Variants in NOS3 observed in about 807,000 individuals in gnomAD.
The protein encoded by NOS3 is NOS type III.
Under a neutral mutation model 144.9 loss-of-function variants are expected in NOS3, and 98 were observed. The ratio of observed to expected loss-of-function variants is 0.68; its 90% confidence interval spans 0.57 to 0.80. The LOEUF is 0.80. NOS3 is among the 30% of genes least tolerant of loss of function. NOS3 has a pLI of 0.00. For missense variants in NOS3, 1,465 were observed against 1,656.4 expected, an observed-to-expected ratio of 0.88 and a Z score of 2.01; for synonymous variants, 714 against 702.4, an observed-to-expected ratio of 1.02 and a Z score of -0.26.
chr7:151,003,032 G>C lies in NOS3; in HGVS notation c.1752+728G>C, dbSNP rs1795143070. On this transcript the variant is annotated intron_variant, in intron 14 of 26. Coordinates refer to ENST00000297494, the MANE Select transcript of NOS3 (RefSeq NM_000603.5). This position sits in a 1 kb window ranked among gnomAD's most constrained non-coding sequence, Gnocchi z 4.1. ...TTCTCTTGCAAGCTTAGGTATCTCT[G>C]AGGTGCCCCAGGCTAGGCTCATTTC... 1 of 310,472 alleles carries C rather than the reference G, an allele frequency of 3.2e-6. No homozygotes were observed. The highest frequency in any genetic ancestry group is 6.3e-6 in the Non-Finnish European group (1 of 157,866). 19.2% of individuals were successfully genotyped at this position (310,472 alleles called of 1,614,324 possible).
At chr7:151,001,517 C>T in intron 11 of NOS3, 27 bp from the exon 12 acceptor site, 1 of 1,612,084 alleles carries the variant, frequency 6.2e-7, no homozygotes, top group Non-Finnish European at 8.5e-7. Flanking sequence ...CTTTACCTCC[C>T]CTCCCAACCC....
chr7:151,000,655 G>C (rs1008426696), intron 10 of NOS3, 56 bp downstream of exon 10: 2 of 1,213,700 alleles, frequency 1.6e-6, no homozygotes, highest in Non-Finnish European at 1.2e-6. Context: ...GGGGCAGCAG[G>C]GGCGGGGGAT....
At chr7:150,991,359 G>C (rs1802251929) in intron 1 of NOS3, 59 bp downstream of exon 1, 1 of 152,402 alleles carries the variant, frequency 6.6e-6, no homozygotes, top group African/African-American at 2.4e-5. Flanking sequence ...CCCAGGCTGG[G>C]CCTCAAGGAA....
At chr7:151,011,542 G>T (rs1365226262) in intron 23 of NOS3, among the ~76,000 whole-genome samples, 2 of 144,954 alleles carry the variant, frequency 1.4e-5, no homozygotes, top group African/African-American at 5.1e-5. Context: ...AACCTGGGAG[G>T]TGGAGCTTGC....
intron 25 of NOS3, 159 bp downstream of exon 25, chr7:151,013,538 C>A: frequency 8.8e-7 from 1 of 1,130,408 alleles, no homozygotes. Flanking sequence ...CCCGGCCCCT[C>A]TAGGCCCGCC....
chr7:150,997,780 G>A (rs532042597), intron 5 of NOS3, among the ~76,000 whole-genome samples: 8 of 152,214 alleles, frequency 5.3e-5, no homozygotes, highest in African/African-American at 1.4e-4. Flanking sequence ...TCAGAGCTGC[G>A]TCCCTCCCTT....
In NOS3 at chr7:150,998,608, G is replaced by A; in HGVS notation, c.744G>A (p.Leu248=). Residue 248 remains leucine (L), a synonymous_variant, in exon 7 of 27, where the codon CTG becomes CTA. Coordinates refer to ENST00000297494, the MANE Select transcript of NOS3 (RefSeq NM_000603.5). This position sits in a 1 kb window ranked among gnomAD's most constrained non-coding sequence, Gnocchi z 5.0. ...RGDFRIWNSQ[L]VRYAGYRQQD... is the part of the protein sequence containing the mutation. Reference sequence around the variant, plus strand: ...ACTTCCGAATCTGGAACAGCCAGCTGGTGCGCTACGCGGGCTACCGGCAGC... The same window carrying A: ...ACTTCCGAATCTGGAACAGCCAGCTAGTGCGCTACGCGGGCTACCGGCAGC... The A allele has an allele frequency of 6.2e-7, 1 of 1,608,804 alleles. No individual in the cohort carries two copies. Among genetic ancestry groups the A allele is most frequent in the South Asian group, 1.1e-5 (1 of 90,290 alleles).
In NOS3 at chr7:150,994,043, T is replaced by C. The variant is rs1000125509; in HGVS notation, c.158+82T>C. Reference sequence around the variant, plus strand: ...GCCTGGGGCTGGGAAGGTCTGGAACTTGTAGCTGAGTCGGGAGGGCCAGGT... The same window carrying C: ...GCCTGGGGCTGGGAAGGTCTGGAACCTGTAGCTGAGTCGGGAGGGCCAGGT... On this transcript the variant is annotated intron_variant, in intron 2 of 26. Transcript: ENST00000297494. 4.8e-6 allele frequency: 7 copies of C among 1,458,266 alleles called. 1 individual carries two copies. The South Asian group carries it at 8.8e-5, about 18-fold the overall frequency. The allele number at this position is 1,458,266 out of a possible 1,614,324, so 90.3% of individuals were successfully genotyped here. A position where few individuals can be genotyped will look rare whatever the true frequency, so the allele number is the denominator to read the frequency against.
chr7:150,994,114 G>A (rs1802315981), intron 2 of NOS3, among the ~76,000 whole-genome samples, 153 bp downstream of exon 2: 1 of 152,176 alleles, frequency 6.6e-6, no homozygotes, highest in Non-Finnish European at 1.5e-5. Context: ...AGGACAGTCT[G>A]GGAGGCTCAG....
intron 26 of NOS3, 36 bp downstream of exon 26, chr7:151,013,954 T>C: frequency 6.2e-7 from 1 of 1,602,968 alleles, no homozygotes; most frequent in Non-Finnish European, 8.5e-7. Context: ...GCGTGCGGGG[T>C]TCCTGCTAAG....
At position 151,002,942 on chromosome 7, in the gene NOS3, A is replaced by G; in HGVS notation, c.1752+638A>G. ...GAAATTGAGCGCTGTTTAGATGCCA[A>G]CATAGATTAAATAACTTCACTTTTT... On this transcript the variant is annotated intron_variant, in intron 14 of 26. Coordinates refer to ENST00000297494, the MANE Select transcript of NOS3 (RefSeq NM_000603.5). This position sits in a 1 kb window ranked among gnomAD's most constrained non-coding sequence, Gnocchi z 4.1. 1 of 233,840 alleles carries G rather than the reference A, an allele frequency of 4.3e-6. No homozygotes were observed. Among genetic ancestry groups the G allele is most frequent in the South Asian group, 4.4e-5 (1 of 22,726 alleles). 14.5% of individuals were successfully genotyped at this position (233,840 alleles called of 1,614,324 possible).
In NOS3 at chr7:150,996,774, A is replaced by C. The variant is rs1261994964; in HGVS notation, c.431A>C (p.Gln144Pro). The change falls in exon 5 of 27, where the codon CAG becomes CCG. Residue 144 changes from glutamine to proline, a missense_variant. Gln to Pro is a moderately conservative substitution (Grantham distance 76, BLOSUM62 -1). Transcript: ENST00000297494. ...CCTCTCCTCCCCAGGAGCGGCTCCC[A>C]GGCCCACGAACAGCGGCTTCAAGAG... ...YYSSIKRSGS[Q>P]AHEQRLQEVE... is the part of the protein sequence containing the mutation. 2 of 1,611,668 alleles carry C rather than the reference A, an allele frequency of 1.2e-6. No individual in the cohort carries two copies. The highest frequency in any genetic ancestry group is 2.2e-5 in the South Asian group (2 of 90,936).
chr7:151,013,628 T>C, intron 25 of NOS3, 96 bp from the exon 26 acceptor site: 1 of 1,191,510 alleles, frequency 8.4e-7, no homozygotes, highest in Non-Finnish European at 1.1e-6. Context: ...CCAGGCCCGC[T>C]CCGGAGACTT....
chr7:151,011,828 G>A (rs1428734880), intron 23 of NOS3: 1 of 444,244 alleles, frequency 2.3e-6, no homozygotes, highest in South Asian at 1.6e-5. Flanking sequence ...CCGGACCGAG[G>A]GTGAAGGATT....
At position 151,002,280 on chromosome 7, in the gene NOS3, T is replaced by C. The variant is rs530391514; in HGVS notation, c.1728T>C (p.Asn576=). The C allele has an allele frequency of 5.6e-6, 9 of 1,595,716 alleles. No homozygotes were observed. In the African/African-American group the frequency reaches 8.0e-5, roughly 14 times the overall value. ...TGGTGGTAACCAGCACATTTGGGAA[T>C]GGGGATCCCCCGGAGAATGGAGAGG... The part of the protein sequence containing the change: ...LVLVVTSTFG[N]GDPPENGESF... Residue 576 remains asparagine, a synonymous_variant, in exon 14 of 27, where the codon AAT becomes AAC. Transcript: ENST00000297494. This position sits in a 1 kb window ranked among gnomAD's most constrained non-coding sequence, Gnocchi z 4.1.
chr7:150,996,982 C>T lies in NOS3; in HGVS notation c.582+57C>T, dbSNP rs1354890746. On this transcript the variant is annotated intron_variant, in intron 5 of 26. Coordinates refer to ENST00000297494, the MANE Select transcript of NOS3 (RefSeq NM_000603.5). ...CGCTACCAAAAGGGGAGCGGGGTGG[C>T]GGGGCAGTTCCTAAGGCTTCCCGGG... 55 of 1,510,930 alleles carry T rather than the reference C, an allele frequency of 3.6e-5. No homozygotes were observed. The South Asian group carries it at 5.1e-4, about 14-fold the overall frequency. 93.6% of individuals were successfully genotyped at this position (1,510,930 alleles called of 1,614,324 possible). A position where few individuals can be genotyped will look rare whatever the true frequency, so the allele number is the denominator to read the frequency against.
At chr7:150,992,074 G>A (rs964148686) in intron 1 of NOS3, among the ~76,000 whole-genome samples, 17 of 151,562 alleles carry the variant, frequency 1.1e-4, no homozygotes, top group African/African-American at 2.4e-4. Flanking sequence ...GAATCACTCC[G>A]GGAGGCAGAG....
Position 151,003,661 on chromosome 7 carries a change from T to C in NOS3, c.1752+1357T>C, listed in dbSNP as rs1254683983. 2.8e-6 allele frequency: 2 copies of C among 726,092 alleles called. No individual in the cohort carries two copies. The highest frequency in any genetic ancestry group is 3.7e-5 in the African/African-American group (2 of 54,466). The allele number at this position is 726,092 out of a possible 1,614,324, so 45.0% of individuals were successfully genotyped here. A position where few individuals can be genotyped will look rare whatever the true frequency, so the allele number is the denominator to read the frequency against. ...CTCACGTGAATCCCTTCCCAGTCTG[T>C]CTCCCTGCCAGAAGTGTCTGTCACC... On this transcript the variant is annotated intron_variant, in intron 14 of 26. Coordinates refer to ENST00000297494, the MANE Select transcript of NOS3 (RefSeq NM_000603.5). The surrounding 1 kb of genome is among the most constrained non-coding windows in gnomAD (Gnocchi z 4.1).
chr7:151,014,498 AATCT>A lies in NOS3; in HGVS notation c.*330_*333del. ...CAGGAGTATCTTACCTGTAAAGTCTAATCTCTAAATCAAGTATTTATTATTGAAG... is the reference window on the plus strand; with the variant it reads ...CAGGAGTATCTTACCTGTAAAGTCTACTAAATCAAGTATTTATTATTGAAG... On this transcript the variant is annotated 3_prime_UTR_variant, in exon 27 of 27. Transcript: ENST00000297494. 1 of 329,734 alleles carries A rather than the reference AATCT, an allele frequency of 3.0e-6. No homozygotes were observed. Among genetic ancestry groups the A allele is most frequent in the Admixed American group, 4.4e-5 (1 of 22,742 alleles). The allele number at this position is 329,734 out of a possible 1,614,324, so 20.4% of individuals were successfully genotyped here.
Sources: allele counts gnomAD v4.1 joint callset (sites outside exome capture counted in the v4.1 genomes callset), GRCh38; gene constraint gnomAD v4.1.1; non-coding constraint Gnocchi (gnomAD v3.1); transcripts MANE v1.5; gene names NCBI Gene and HGNC (gene_info 2026-07-23, HGNC 2026-07-21).